The following LGSN variants were observed in gnomAD, a reference collection of about 807,000 sequenced individuals.
LGSN encodes lengsin, lens protein with glutamine synthetase domain, also known as lengsin.
LGSN carries 21 observed loss-of-function variants against 19.5 expected under a neutral mutation model. The ratio of observed to expected loss-of-function variants is 1.07; its 90% CI spans 0.76 to 1.55. The LOEUF is 1.55. Among genes scored for constraint, LGSN ranks in the 40% most tolerant of loss-of-function variants. LGSN has a pLI of 0.00. For missense variants in LGSN, 673 were observed against 608.5 expected (o/e 1.11, Z -1.12); for synonymous variants, 257 against 215.6 (o/e 1.19, Z -1.68).
intron 1 of LGSN, among the ~76,000 whole-genome samples, chr6:63,312,772 C>T (rs940814527): frequency 6.6e-6 from 1 of 152,046 alleles, no homozygotes; most frequent in African/African-American, 2.4e-5. Context: ...TCTGGAGAAG[C>T]GGGCGAAATG....
chr6:63,331,852 G>A, the LGSN span, among the ~76,000 whole-genome samples: 11 of 152,100 alleles, frequency 7.2e-5, no homozygotes, highest in African/African-American at 2.7e-4. Flanking sequence ...AGAAAAATCG[G>A]ATTTAGTGGC....
chr6:63,404,317 A>T, the LGSN span, among the ~76,000 whole-genome samples: 1 of 152,162 alleles, frequency 6.6e-6, no homozygotes, highest in Non-Finnish European at 1.5e-5. Flanking sequence ...TTCCTCAAAA[A>T]ATACAAATTA....
chr6:63,508,973 T>C, the LGSN span, among the ~76,000 whole-genome samples: 3 of 151,140 alleles, frequency 2.0e-5, no homozygotes, highest in Non-Finnish European at 4.4e-5. Flanking sequence ...AGTGAGGTGA[T>C]AGTTACAGGT....
At chr6:63,358,747 T>C in the LGSN span, among the ~76,000 whole-genome samples, 5 of 152,082 alleles carry the variant, frequency 3.3e-5, no homozygotes, top group Admixed American at 6.6e-5. Context: ...GACAATGGGG[T>C]TTTCTAAATA....
At chr6:63,532,672 A>C in the LGSN span, among the ~76,000 whole-genome samples, 1 of 152,184 alleles carries the variant, frequency 6.6e-6, no homozygotes, top group Non-Finnish European at 1.5e-5. Context: ...GGAGGGGAGG[A>C]AGTTGGAGAG....
the LGSN span, among the ~76,000 whole-genome samples, chr6:63,476,070 TTTTG>T: frequency 1.1e-3 from 163 of 152,348 alleles, 1 homozygote; most frequent in Non-Finnish European, 1.6e-3. Context: ...GGTTTGGTTT[TTTTG>T]TTTGTTTGTT....
the LGSN span, among the ~76,000 whole-genome samples, chr6:63,377,411 T>A: frequency 6.6e-6 from 1 of 152,120 alleles, no homozygotes. Context: ...TCACTCCACC[T>A]TTTGCCCCAG....
At chr6:63,465,378 C>T in the LGSN span, among the ~76,000 whole-genome samples, 4 of 152,192 alleles carry the variant, frequency 2.6e-5, no homozygotes, top group East Asian at 1.9e-4. Context: ...GATGGAGTTT[C>T]GCCATGTTGA....
At chr6:63,558,191 A>G in the LGSN span, among the ~76,000 whole-genome samples, 1 of 152,176 alleles carries the variant, frequency 6.6e-6, no homozygotes, top group Non-Finnish European at 1.5e-5. Context: ...TTTAAAATGC[A>G]GGGTGGATTA....
chr6:63,341,094 A>G, the LGSN span, among the ~76,000 whole-genome samples: 1 of 152,168 alleles, frequency 6.6e-6, no homozygotes, highest in Admixed American at 6.5e-5. Context: ...CTTAGGCTAC[A>G]CTTGTTAGTG....
At chr6:63,304,371 A>G (rs565067603) in intron 1 of LGSN, among the ~76,000 whole-genome samples, 24 of 152,344 alleles carry the variant, frequency 1.6e-4, no homozygotes, top group Non-Finnish European at 3.2e-4. Context: ...AGCAGATTTT[A>G]CTGCAAAACC....
the LGSN span, among the ~76,000 whole-genome samples, chr6:63,443,022 G>A: frequency 1.7e-3 from 257 of 152,300 alleles, 1 homozygote; most frequent in African/African-American, 5.0e-3. Context: ...AGGGAGGCTC[G>A]GACCATGTGG....
At chr6:63,414,459 G>GA in the LGSN span, among the ~76,000 whole-genome samples, 2 of 152,148 alleles carry the variant, frequency 1.3e-5, no homozygotes, top group South Asian at 2.1e-4. Flanking sequence ...GTATTCTTTA[G>GA]AAAAAAACCC....
At chr6:63,290,246 G>A (rs1016384265) in intron 2 of LGSN, among the ~76,000 whole-genome samples, 3 of 152,164 alleles carry the variant, frequency 2.0e-5, no homozygotes, top group African/African-American at 7.2e-5. Context: ...CAAAAAGGGA[G>A]CTTCTGAGCT....
chr6:63,339,557 T>G, the LGSN span, among the ~76,000 whole-genome samples: 4 of 152,118 alleles, frequency 2.6e-5, no homozygotes, highest in Non-Finnish European at 5.9e-5. Context: ...TTTCAGTGTA[T>G]GTGTGTCTTC....
the LGSN span, among the ~76,000 whole-genome samples, chr6:63,482,091 T>C: frequency 6.6e-6 from 1 of 152,238 alleles, no homozygotes; most frequent in South Asian, 2.1e-4. Flanking sequence ...CTCCATCCTT[T>C]AAATTCTCAG....
chr6:63,360,639 C>G, the LGSN span, among the ~76,000 whole-genome samples: 4 of 151,910 alleles, frequency 2.6e-5, 1 homozygote, highest in South Asian at 4.2e-4. Flanking sequence ...TAGTCTGAAG[C>G]CTTCTTCTCT....
chr6:63,285,605 G>T lies in LGSN; in HGVS notation c.312C>A (p.Ile104=). 2 of 1,613,726 alleles carry T rather than the reference G, an allele frequency of 1.2e-6. No homozygotes were observed. Among genetic ancestry groups the T allele is most frequent in the South Asian group, 1.1e-5 (1 of 91,024 alleles). Residue 104 remains isoleucine, a synonymous_variant, in exon 3 of 4, where the codon ATC becomes ATA. Transcript: ENST00000370657. ...AACTCACTTGAAAAAAGTGTGCAGG[G>T]ATAGTCTTAGACCTGGACACGCCGT... The part of the protein sequence containing the change: ...DLHGVSRSKT[I]PAHFFQEKVS...
the LGSN span, among the ~76,000 whole-genome samples, chr6:63,491,702 T>C: frequency 5.9e-5 from 9 of 152,294 alleles, no homozygotes; most frequent in Admixed American, 1.3e-4. Context: ...ACTGAATTTC[T>C]GCAAGTGCCA....
Sources: gnomAD v4.1 joint callset for allele counts (sites outside exome capture counted in the v4.1 genomes callset) on GRCh38, gnomAD v4.1.1 for gene constraint, MANE v1.5 for transcripts, NCBI Gene and HGNC (gene_info 2026-07-23, HGNC 2026-07-21) for gene names.